MAGI2: variants seen among roughly 807,000 people sequenced by gnomAD.
The protein encoded by MAGI2 is membrane-associated guanylate kinase, WW and PDZ domain-containing protein 2.
MAGI2 carries 35 observed loss-of-function variants against 133.3 expected under a neutral mutation model. That is an observed-to-expected ratio of 0.26 (90% CI 0.20 to 0.35). MAGI2 has a LOEUF of 0.35. MAGI2 is among the 10% of genes least tolerant of loss of function. The pLI is 1.00. For missense variants in MAGI2, 1,636 were observed against 1,863.4 expected, an observed-to-expected ratio of 0.88 and a Z score of 2.25; for synonymous variants, 729 against 710.6, an observed-to-expected ratio of 1.03 and a Z score of -0.41.
At chr7:79,368,001 G>A (rs925802156) in intron 1 of MAGI2, among the ~76,000 whole-genome samples, 1 of 151,498 alleles carries the variant, frequency 6.6e-6, no homozygotes, top group Admixed American at 6.6e-5. Context: ...GTCTTCCACA[G>A]GATAATTTCC....
chr7:78,974,914 A>G (rs1804109407), intron 2 of MAGI2, among the ~76,000 whole-genome samples: 1 of 151,830 alleles, frequency 6.6e-6, no homozygotes, highest in Non-Finnish European at 1.5e-5. Flanking sequence ...TTGACTTCAA[A>G]ACAAGGAAGA....
intron 1 of MAGI2, among the ~76,000 whole-genome samples, chr7:79,431,429 T>G (rs992045270): frequency 7.9e-5 from 12 of 152,180 alleles, no homozygotes; most frequent in African/African-American, 2.9e-4. Flanking sequence ...ATAATATTTG[T>G]TCTAAAAATT....
At chr7:78,922,035 C>T (rs773745928) in intron 2 of MAGI2, among the ~76,000 whole-genome samples, 21 of 152,076 alleles carry the variant, frequency 1.4e-4, no homozygotes, top group South Asian at 4.2e-4. Flanking sequence ...TGATTTCCTA[C>T]GTTAGACTGA....
At chr7:79,235,070 G>A (rs940348827) in intron 1 of MAGI2, among the ~76,000 whole-genome samples, 12 of 151,764 alleles carry the variant, frequency 7.9e-5, no homozygotes, top group Admixed American at 2.6e-4. Context: ...GTGTCAGTGT[G>A]CCCCTGCTGG....
intron 1 of MAGI2, among the ~76,000 whole-genome samples, chr7:79,069,196 G>T (rs1405934699): frequency 6.6e-6 from 1 of 152,056 alleles, no homozygotes; most frequent in Non-Finnish European, 1.5e-5. Flanking sequence ...GTGGACAGTG[G>T]GGTGTTAAAT....
At chr7:78,423,304 A>G (rs1442238950) in intron 6 of MAGI2, among the ~76,000 whole-genome samples, 1 of 152,182 alleles carries the variant, frequency 6.6e-6, no homozygotes. Context: ...CCATCTCCGT[A>G]AGATGTGACT....
At chr7:78,397,196 A>G (rs1023382026) in intron 6 of MAGI2, among the ~76,000 whole-genome samples, 1 of 152,090 alleles carries the variant, frequency 6.6e-6, no homozygotes, top group African/African-American at 2.4e-5. Context: ...AAGAAACCAG[A>G]AAGAAAAGAG....
intron 1 of MAGI2, among the ~76,000 whole-genome samples, chr7:79,077,600 T>TAAAAAAAAAAAAAAAAAAAA (rs1815643134): frequency 2.4e-5 from 1 of 41,484 alleles, no homozygotes; most frequent in African/African-American, 6.5e-5. Context: ...AAAAAATAAA[T>TAAAAAAAAAAAAAAAAAAAA]AAATAAATAA....
At chr7:79,039,083 A>G (rs1487801444) in intron 1 of MAGI2, among the ~76,000 whole-genome samples, 2 of 152,128 alleles carry the variant, frequency 1.3e-5, no homozygotes, top group African/African-American at 2.4e-5. Flanking sequence ...TTGGTGGAAG[A>G]ACCATGTGGG....
rs192500878 is a variant in MAGI2, at chr7:78,397,594, A to G, written c.1046-28381T>C. Reference sequence around the variant, plus strand: ...TTTGGCAGGCAGGAACTTAGAGCTAAGGTATGACTTTGTGAATGTAATCCT... The same window carrying G: ...TTTGGCAGGCAGGAACTTAGAGCTAGGGTATGACTTTGTGAATGTAATCCT... On this transcript the variant is annotated intron_variant, in intron 6 of 21. Transcript: ENST00000354212. 5.2e-3 allele frequency among the ~76,000 whole-genome samples: 788 copies of G among 152,272 alleles called. 4 individuals carry two copies. Among genetic ancestry groups the G allele is most frequent in the Non-Finnish European group, 8.0e-3 (546 of 68,022 alleles).
At chr7:78,574,921 AT>A (rs747187786) in intron 3 of MAGI2, among the ~76,000 whole-genome samples, 19 of 152,358 alleles carry the variant, frequency 1.2e-4, no homozygotes, top group South Asian at 4.1e-4. Flanking sequence ...TCTTTAGAAA[AT>A]ATTCAAGACC....
chr7:78,331,142 C>T (rs1046133402), intron 9 of MAGI2, among the ~76,000 whole-genome samples: 1 of 152,132 alleles, frequency 6.6e-6, no homozygotes, highest in Non-Finnish European at 1.5e-5. Flanking sequence ...TTCTCACTTA[C>T]AAGTGGAAGT....
intron 1 of MAGI2, among the ~76,000 whole-genome samples, chr7:79,396,989 ATTCT>A (rs1375618996): frequency 6.6e-6 from 1 of 151,892 alleles, no homozygotes; most frequent in East Asian, 1.9e-4. Flanking sequence ...GTAAATTAAA[ATTCT>A]TTCTTTATAT....
Position 78,595,526 on chromosome 7 carries a change from T to G in MAGI2, c.538+31594A>C, listed in dbSNP as rs149088814. ...TGCTAAAGAACAAGTTTCAGAGATA[T>G]TATGATCAAATGTGAGTTTGACCTA... On this transcript the variant is annotated intron_variant, in intron 3 of 21. Transcript: ENST00000354212. Among the ~76,000 whole-genome samples, 1,240 of 152,316 alleles carry G rather than the reference T, an allele frequency of 8.1e-3. 58 individuals are homozygous for G. Among genetic ancestry groups the G allele is most frequent in the Admixed American group, 0.071 (1,091 of 15,296 alleles).
chr7:79,390,438 A>C (rs1191006450), intron 1 of MAGI2, among the ~76,000 whole-genome samples: 1 of 152,234 alleles, frequency 6.6e-6, no homozygotes, highest in Non-Finnish European at 1.5e-5. Context: ...ATTAAAGCAA[A>C]TTATATAGCA....
chr7:78,319,204 G>T (rs1289175434), intron 9 of MAGI2, among the ~76,000 whole-genome samples: 2 of 152,198 alleles, frequency 1.3e-5, no homozygotes, highest in Non-Finnish European at 2.9e-5. Flanking sequence ...TCATCAGTGT[G>T]CTGTATTCAG....
At chr7:78,435,923 C>T (rs1800240267) in intron 6 of MAGI2, among the ~76,000 whole-genome samples, 1 of 152,114 alleles carries the variant, frequency 6.6e-6, no homozygotes, top group Non-Finnish European at 1.5e-5. Context: ...AATGTACTTT[C>T]CTCAAGGGTT....
At chr7:79,060,352 T>C (rs1813609597) in intron 1 of MAGI2, among the ~76,000 whole-genome samples, 2 of 152,078 alleles carry the variant, frequency 1.3e-5, no homozygotes, top group Admixed American at 6.6e-5. Flanking sequence ...ATGCACATAT[T>C]TTTTTAAAAA....
chr7:78,747,061 G>A (rs960121175), intron 2 of MAGI2, among the ~76,000 whole-genome samples: 4 of 152,092 alleles, frequency 2.6e-5, no homozygotes, highest in African/African-American at 4.8e-5. Context: ...GTGCACATAC[G>A]CATCACAGCC....
Sources: allele counts gnomAD v4.1 joint callset (sites outside exome capture counted in the v4.1 genomes callset), GRCh38; gene constraint gnomAD v4.1.1; transcripts MANE v1.5; gene names NCBI Gene and HGNC (gene_info 2026-07-23, HGNC 2026-07-21).